MYO5B: variants seen among roughly 807,000 people sequenced by gnomAD.
The protein encoded by MYO5B is unconventional myosin-Vb.
Under a neutral mutation model 229.3 loss-of-function variants are expected in MYO5B, and 143 were observed. The observed-to-expected ratio is 0.62, with a 90% CI of 0.54 to 0.72. The LOEUF is 0.72. Ranked by LOEUF, MYO5B falls within the 30% of genes least tolerant of loss-of-function variation. MYO5B has a pLI of 0.00. For synonymous variants in MYO5B, 918 were observed against 885.2 expected (o/e 1.04, Z -0.66); for missense variants, 2,321 against 2,331.0 (o/e 1.00, Z 0.09).
intron 1 of MYO5B, among the ~76,000 whole-genome samples, chr18:50,144,718 T>C (rs1461738045): frequency 1.3e-5 from 2 of 152,218 alleles, no homozygotes; most frequent in African/African-American, 4.8e-5. Context: ...TTAACTCAGA[T>C]ACCAGTAAGA....
chr18:49,909,202 G>A (rs2024932099), intron 18 of MYO5B, among the ~76,000 whole-genome samples: 1 of 152,254 alleles, frequency 6.6e-6, no homozygotes, highest in Non-Finnish European at 1.5e-5. Flanking sequence ...CACTCAGCAT[G>A]AGAAGTATGG....
intron 17 of MYO5B, 41 bp from the exon 18 acceptor site, chr18:49,912,214 C>T: frequency 6.6e-7 from 1 of 1,504,094 alleles, no homozygotes; most frequent in Non-Finnish European, 9.3e-7. Context: ...CACATCCTGC[C>T]TCTTGGCCAC....
At chr18:49,920,916 G>A (rs1411044172) in intron 17 of MYO5B, among the ~76,000 whole-genome samples, 2 of 152,146 alleles carry the variant, frequency 1.3e-5, no homozygotes, top group African/African-American at 4.8e-5. Flanking sequence ...CCAAAGGAAC[G>A]AAGACAGATC....
intron 1 of MYO5B, among the ~76,000 whole-genome samples, chr18:50,119,785 C>T (rs1167465667): frequency 6.6e-6 from 1 of 152,120 alleles, no homozygotes; most frequent in Non-Finnish European, 1.5e-5. Flanking sequence ...TGTCCCAGAG[C>T]TTCAAAGAAA....
chr18:50,128,497 G>A (rs1393069837), intron 1 of MYO5B, among the ~76,000 whole-genome samples: 1 of 152,188 alleles, frequency 6.6e-6, no homozygotes, highest in Non-Finnish European at 1.5e-5. Flanking sequence ...CTGGAGCCCA[G>A]GAGGCCAGCA....
At position 49,964,632 on chromosome 18, in the gene MYO5B, A is replaced by G. The variant is rs139712771; in HGVS notation, c.1323-1602T>C. Among the ~76,000 whole-genome samples the G allele has an allele frequency of 2.0e-4, 31 of 152,322 alleles. No individual in the cohort carries two copies. The East Asian group carries it at 5.8e-3, about 28-fold the overall frequency. On this transcript the variant is annotated intron_variant, in intron 10 of 39. Transcript: ENST00000285039. ...AAGTCTTTGGTTCCTTGGAACATAA[A>G]AAGTCTGAATTTTAACTTATCATTA...
chr18:49,861,870 C>G (rs375808723), intron 29 of MYO5B, among the ~76,000 whole-genome samples: 4 of 152,212 alleles, frequency 2.6e-5, no homozygotes, highest in African/African-American at 9.6e-5. Flanking sequence ...GTGGCACTCA[C>G]AGTGCCACCT....
At chr18:49,839,350 A>G (rs2024029336) in intron 35 of MYO5B, 56 bp from the exon 36 acceptor site, 1 of 1,594,388 alleles carries the variant, frequency 6.3e-7, no homozygotes, top group African/African-American at 1.3e-5. Flanking sequence ...GCCCAGCACA[A>G]CTTCCAGGGC....
intron 33 of MYO5B, 146 bp downstream of exon 33, chr18:49,847,000 G>T: frequency 1.0e-6 from 1 of 965,242 alleles, no homozygotes. Context: ...TGGAAGATGG[G>T]GGCAGGTGCA....
intron 4 of MYO5B, among the ~76,000 whole-genome samples, chr18:50,005,792 C>T (rs1310630284): frequency 6.6e-6 from 1 of 152,200 alleles, no homozygotes; most frequent in Non-Finnish European, 1.5e-5. Context: ...CACTTTCCCA[C>T]CACTGCCGTT....
intron 4 of MYO5B, among the ~76,000 whole-genome samples, chr18:50,005,734 TG>T (rs1375076727): frequency 1.3e-5 from 2 of 152,186 alleles, no homozygotes; most frequent in Non-Finnish European, 1.5e-5. Flanking sequence ...TATAAGATGA[TG>T]GTATCAAGGT....
At position 50,184,873 on chromosome 18, in the gene MYO5B, T is replaced by TACACAC. The variant is rs72463376; in HGVS notation, c.27+9888_27+9893dup. Among the ~76,000 whole-genome samples the TACACAC allele has an allele frequency of 1.1e-4, 17 of 148,714 alleles. No individual in the cohort carries two copies. The East Asian group carries it at 1.2e-3, about 10-fold the overall frequency. On this transcript the variant is annotated intron_variant, in intron 1 of 39. Transcript: ENST00000285039. ...GAGCAACATGGTGAGACCCTATCTC[T>TACACAC]ACACACACACACACACACACAGAAA...
rs187934847 is a variant in MYO5B, at chr18:49,926,140, C to T, written c.2090+3372G>A. Among the ~76,000 whole-genome samples, 18 of 152,372 alleles carry T rather than the reference C, an allele frequency of 1.2e-4. No homozygotes were observed. In the East Asian group the frequency reaches 3.5e-3, roughly 29 times the overall value. On this transcript the variant is annotated intron_variant, in intron 17 of 39. Transcript: ENST00000285039. ...ACAACAGCCTTCAACCTAGCTAGAG[C>T]AGTTCATCCTGAACAATGCTGGGAC...
intron 1 of MYO5B, among the ~76,000 whole-genome samples, chr18:50,111,904 C>T (rs893696840): frequency 6.6e-6 from 1 of 152,196 alleles, no homozygotes; most frequent in African/African-American, 2.4e-5. Context: ...CAATGCACTG[C>T]ACCTACTGAG....
chr18:50,154,177 T>C (rs1199677422), intron 1 of MYO5B, among the ~76,000 whole-genome samples: 1 of 152,190 alleles, frequency 6.6e-6, no homozygotes, highest in African/African-American at 2.4e-5. Flanking sequence ...TGGCTACCTC[T>C]GAGAAAGAAA....
intron 18 of MYO5B, among the ~76,000 whole-genome samples, chr18:49,908,954 A>G (rs1177256955): frequency 6.6e-6 from 1 of 152,226 alleles, no homozygotes; most frequent in Non-Finnish European, 1.5e-5. Flanking sequence ...ACAACAATTT[A>G]TTAAAACCTC....
intron 1 of MYO5B, among the ~76,000 whole-genome samples, chr18:50,159,559 C>T (rs778271607): frequency 2.2e-4 from 33 of 152,258 alleles, no homozygotes; most frequent in Non-Finnish European, 4.0e-4. Context: ...CCCAGGCCAC[C>T]GTGCTTCTCA....
intron 12 of MYO5B, among the ~76,000 whole-genome samples, chr18:49,960,384 T>C (rs2025545321): frequency 6.6e-6 from 1 of 152,216 alleles, no homozygotes; most frequent in African/African-American, 2.4e-5. Context: ...AGCACCGCGT[T>C]GCCCAGCCAC....
intron 22 of MYO5B, among the ~76,000 whole-genome samples, chr18:49,889,913 G>A (rs1942322): frequency 6.6e-6 from 1 of 151,822 alleles, no homozygotes; most frequent in Admixed American, 6.5e-5. Context: ...GAGGCTTGTT[G>A]CTTCCCTCTG....
Sources: gnomAD v4.1 joint callset for allele counts (sites outside exome capture counted in the v4.1 genomes callset) on GRCh38, gnomAD v4.1.1 for gene constraint, MANE v1.5 for transcripts, NCBI Gene and HGNC (gene_info 2026-07-23, HGNC 2026-07-21) for gene names.